LRRC4C: variants seen among roughly 807,000 people sequenced by gnomAD.
LRRC4C encodes leucine rich repeat containing 4C.
Under a neutral mutation model 33.6 loss-of-function variants are expected in LRRC4C, and 5 were observed. The observed-to-expected ratio is 0.15, with a 90% CI of 0.08 to 0.31. LRRC4C has a LOEUF of 0.31. Among genes scored for constraint, LRRC4C ranks in the 10% least tolerant of loss-of-function variants. The pLI is 1.00. For synonymous variants in LRRC4C, 329 were observed against 302.0 expected, an observed-to-expected ratio of 1.09 and a Z score of -0.93; for missense variants, 560 against 796.7, an observed-to-expected ratio of 0.70 and a Z score of 3.58.
chr11:40,676,380 C>G (rs1358411205), intron 2 of LRRC4C, among the ~76,000 whole-genome samples: 1 of 152,088 alleles, frequency 6.6e-6, no homozygotes, highest in African/African-American at 2.4e-5. Context: ...CCCTAGAGAT[C>G]ATCTAATTTA....
At chr11:40,799,936 G>C (rs1370428617) in intron 2 of LRRC4C, among the ~76,000 whole-genome samples, 1 of 152,234 alleles carries the variant, frequency 6.6e-6, no homozygotes, top group East Asian at 1.9e-4. Flanking sequence ...TTAACAGCCA[G>C]TATCTAGACA....
At chr11:40,969,410 G>A (rs1042075669) in intron 1 of LRRC4C, among the ~76,000 whole-genome samples, 12 of 150,298 alleles carry the variant, frequency 8.0e-5, no homozygotes, top group African/African-American at 1.5e-4. Context: ...GCATCAGAAG[G>A]GTTTGAAAGT....
chr11:40,538,273 T>A (rs1956558897), intron 3 of LRRC4C, among the ~76,000 whole-genome samples: 1 of 152,036 alleles, frequency 6.6e-6, no homozygotes, highest in South Asian at 2.1e-4. Flanking sequence ...CCTAATGCTA[T>A]CCCTCCCCCT....
intron 3 of LRRC4C, among the ~76,000 whole-genome samples, chr11:40,358,225 A>G (rs1947769356): frequency 6.6e-6 from 1 of 152,066 alleles, no homozygotes; most frequent in Non-Finnish European, 1.5e-5. Context: ...ACAACAAAAA[A>G]GGAAATAGAG....
chr11:41,404,349 C>G (rs747982752), intron 1 of LRRC4C, among the ~76,000 whole-genome samples: 2 of 151,984 alleles, frequency 1.3e-5, no homozygotes, highest in East Asian at 2.0e-4. Flanking sequence ...AAATGGTTAA[C>G]GAAACCATGT....
chr11:40,334,138 A>T (rs1038431472), intron 3 of LRRC4C, among the ~76,000 whole-genome samples: 1 of 152,172 alleles, frequency 6.6e-6, no homozygotes, highest in African/African-American at 2.4e-5. Flanking sequence ...TTTAGTATGT[A>T]TACAGAGGAT....
At chr11:41,365,733 A>G (rs1224936529) in intron 1 of LRRC4C, among the ~76,000 whole-genome samples, 1 of 152,218 alleles carries the variant, frequency 6.6e-6, no homozygotes, top group African/African-American at 2.4e-5. Flanking sequence ...AACAGCTAGC[A>G]TTCTCACTGT....
chr11:40,381,954 G>GATTT (rs1555039822), intron 3 of LRRC4C, among the ~76,000 whole-genome samples: 1 of 85,884 alleles, frequency 1.2e-5, no homozygotes, highest in Non-Finnish European at 2.1e-5. Context: ...ATCAGTCAGC[G>GATTT]TTTTTTTTTT....
At chr11:40,601,729 C>G (rs1960013547) in intron 3 of LRRC4C, among the ~76,000 whole-genome samples, 1 of 152,038 alleles carries the variant, frequency 6.6e-6, no homozygotes, top group African/African-American at 2.4e-5. Context: ...AATTACATGA[C>G]AAGATTCTAT....
intron 1 of LRRC4C, among the ~76,000 whole-genome samples, chr11:41,073,848 T>C (rs547515875): frequency 5.9e-5 from 9 of 152,178 alleles, no homozygotes; most frequent in Non-Finnish European, 1.0e-4. Context: ...TAGTATCACA[T>C]TGAGTACATA....
At chr11:40,539,642 C>A (rs1011419654) in intron 3 of LRRC4C, among the ~76,000 whole-genome samples, 2 of 152,098 alleles carry the variant, frequency 1.3e-5, no homozygotes, top group Non-Finnish European at 2.9e-5. Context: ...ATAAAACTAC[C>A]TACAGAGTAT....
chr11:41,415,428 A>G (rs1954641038), intron 1 of LRRC4C, among the ~76,000 whole-genome samples: 1 of 152,164 alleles, frequency 6.6e-6, no homozygotes. Context: ...ATTAGAAAGC[A>G]TTCTGAATTA....
chr11:40,882,035 C>T (rs986513208), intron 2 of LRRC4C, among the ~76,000 whole-genome samples: 2 of 152,014 alleles, frequency 1.3e-5, no homozygotes, highest in Non-Finnish European at 2.9e-5. Context: ...TCTTTGCAGA[C>T]TATGATTGAT....
chr11:41,304,075 C>T (rs1591208486), intron 1 of LRRC4C, among the ~76,000 whole-genome samples: 2 of 68,706 alleles, frequency 2.9e-5, no homozygotes, highest in African/African-American at 3.6e-5. Context: ...CAGCCAGCCA[C>T]CCCGTCCGGG....
chr11:40,520,248 T>C (rs1343987445), intron 3 of LRRC4C, among the ~76,000 whole-genome samples: 3 of 152,222 alleles, frequency 2.0e-5, no homozygotes, highest in African/African-American at 4.8e-5. Flanking sequence ...AGTAGCACTT[T>C]TAATTCTCTT....
intron 2 of LRRC4C, among the ~76,000 whole-genome samples, chr11:40,686,719 T>C (rs1245121682): frequency 1.3e-5 from 2 of 152,128 alleles, no homozygotes; most frequent in African/African-American, 4.8e-5. Context: ...ACAAGAGCAG[T>C]GTTTCTCTAA....
At chr11:40,818,977 C>CTA (rs1951815476) in intron 2 of LRRC4C, among the ~76,000 whole-genome samples, 3 of 151,960 alleles carry the variant, frequency 2.0e-5, no homozygotes, top group Admixed American at 6.6e-5. Flanking sequence ...TGGATAATGC[C>CTA]TATATATATC....
intron 1 of LRRC4C, among the ~76,000 whole-genome samples, chr11:41,164,692 G>A (rs2136053478): frequency 6.6e-6 from 1 of 152,196 alleles, no homozygotes; most frequent in East Asian, 1.9e-4. Flanking sequence ...ATAATTGTTG[G>A]GAAAAGCTGA....
chr11:40,692,745 G>C (rs1945281467), intron 2 of LRRC4C, among the ~76,000 whole-genome samples: 1 of 151,968 alleles, frequency 6.6e-6, no homozygotes, highest in Admixed American at 6.6e-5. Flanking sequence ...GTTGATTGTT[G>C]ATATTTAGAT....
Sources: allele counts gnomAD v4.1 joint callset (sites outside exome capture counted in the v4.1 genomes callset), GRCh38; gene constraint gnomAD v4.1.1; transcripts MANE v1.5; gene names NCBI Gene and HGNC (gene_info 2026-07-23, HGNC 2026-07-21).